Variants in PPP1R3A observed in about 807,000 individuals in gnomAD.
PPP1R3A encodes protein phosphatase 1 regulatory subunit 3A.
A neutral mutation model predicts 41.7 loss-of-function variants in PPP1R3A; 29 were observed. That is an observed-to-expected ratio of 0.70 (90% confidence interval 0.52 to 0.95). The LOEUF (loss-of-function observed/expected upper bound fraction) is 0.95, where lower values mean the gene tolerates loss of function less well. Ranked by LOEUF, PPP1R3A falls within the 40% of genes least tolerant of loss-of-function variation. The pLI, the probability that PPP1R3A is intolerant of heterozygous loss-of-function variation, is 0.00. For missense variants in PPP1R3A, 1,352 were observed against 1,292.4 expected, an observed-to-expected ratio of 1.05 and a Z score of -0.71; for synonymous variants, 485 against 453.4, an observed-to-expected ratio of 1.07 and a Z score of -0.89.
chr7:113,877,616 A>C lies in PPP1R3A; in HGVS notation c.*107T>G. 3 of 1,325,378 alleles carry C rather than the reference A, an allele frequency of 2.3e-6. No homozygotes were observed. The highest frequency in any genetic ancestry group is 3.1e-6 in the Non-Finnish European group (3 of 975,282). 82.1% of individuals were successfully genotyped at this position (1,325,378 alleles called of 1,614,324 possible). A position where few individuals can be genotyped will look rare whatever the true frequency, so the allele number is the denominator to read the frequency against. ...CGCGTCCCTTTTTAAATGATCCTTC[A>C]AGAGAAAAACTGCACTGGATCTTTG... On this transcript the variant is annotated 3_prime_UTR_variant, in exon 4 of 4. Coordinates refer to ENST00000284601, the MANE Select transcript of PPP1R3A (RefSeq NM_002711.4).
At chr7:113,905,683 G>A (rs139930870) in intron 1 of PPP1R3A, among the ~76,000 whole-genome samples, 292 of 151,790 alleles carry the variant, frequency 1.9e-3, no homozygotes, top group African/African-American at 6.9e-3. Context: ...TTTTTGTTTT[G>A]CTCTTTGTTT....
chr7:113,883,163 C>T (rs927497346), intron 1 of PPP1R3A, among the ~76,000 whole-genome samples: 1 of 152,024 alleles, frequency 6.6e-6, no homozygotes, highest in Non-Finnish European at 1.5e-5. Context: ...AAAAAGCTCA[C>T]TTTGTGTATA....
At chr7:113,893,300 G>C (rs1347958013) in intron 1 of PPP1R3A, among the ~76,000 whole-genome samples, 1 of 151,870 alleles carries the variant, frequency 6.6e-6, no homozygotes, top group Non-Finnish European at 1.5e-5. Context: ...AATGCTGGTA[G>C]AATCAATAGA....
At position 113,879,334 on chromosome 7, in the gene PPP1R3A, C is replaced by T. The variant is rs1197854933; in HGVS notation, c.1758G>A (p.Arg586=). The part of the protein sequence containing the change: ...AITADVSHSP[R]TNLSWEEAVL... ...CAGCTTCTTCCCAACTTAAATTTGT[C>T]CTTGGTGAATGAGACACATCTGCTG... The change falls in exon 4 of 4, where the codon AGG becomes AGA. Residue 586 remains arginine (R), a synonymous_variant. Transcript: ENST00000284601. 3 of 1,613,618 alleles carry T rather than the reference C, an allele frequency of 1.9e-6. No homozygotes were observed. Among genetic ancestry groups the T allele is most frequent in the Admixed American group, 1.7e-5 (1 of 59,902 alleles).
At chr7:113,915,039 GATACTT>G (rs1156387283) in intron 1 of PPP1R3A, among the ~76,000 whole-genome samples, 1 of 152,064 alleles carries the variant, frequency 6.6e-6, no homozygotes, top group African/African-American at 2.4e-5. Context: ...CATATGTGGT[GATACTT>G]AAGTATCTCA....
intron 1 of PPP1R3A, among the ~76,000 whole-genome samples, chr7:113,894,019 T>TTTTTCTAG (rs1796937615): frequency 6.6e-6 from 1 of 151,986 alleles, no homozygotes; most frequent in African/African-American, 2.4e-5. Flanking sequence ...TGGTGGTGTT[T>TTTTTCTAG]TTTTCTAGCT....
intron 1 of PPP1R3A, among the ~76,000 whole-genome samples, chr7:113,903,757 T>G (rs1797102201): frequency 1.3e-5 from 2 of 151,776 alleles, no homozygotes; most frequent in South Asian, 4.1e-4. Context: ...GCACAAAATC[T>G]TCAGCCTAGC....
In PPP1R3A at chr7:113,878,135, C is replaced by T; in HGVS notation, c.2957G>A (p.Gly986Asp). ...GCCTATGCATCTTTCTTTTCTACTA[C>T]CTGATGTCACTATTCCTGAACTTCT... Reference protein sequence around the residue: ...VSRSSGIVTSGSRKERCIGQI... With the variant: ...VSRSSGIVTSDSRKERCIGQI... The change falls in exon 4 of 4, where the codon GGT becomes GAT. Residue 986 changes from glycine (G) to aspartate (D), a missense_variant. Transcript: ENST00000284601. The T allele has an allele frequency of 6.2e-7, 1 of 1,613,326 alleles. No homozygotes were observed. The highest frequency in any genetic ancestry group is 8.5e-7 in the Non-Finnish European group (1 of 1,179,634).
In PPP1R3A at chr7:113,915,864, T is replaced by G. The variant is rs75595828; in HGVS notation, c.782+2351A>C. ...GTGCTATTTTTCTCTAACCAAACTC[T>G]TCACAATAAAATCCAACTGCAATAT... On this transcript the variant is annotated intron_variant, in intron 1 of 3. Coordinates refer to ENST00000284601, the MANE Select transcript of PPP1R3A (RefSeq NM_002711.4). Among the ~76,000 whole-genome samples the G allele has an allele frequency of 1.1e-4, 16 of 152,108 alleles. No homozygotes were observed. The Middle Eastern group carries it at 0.01, about 97-fold the overall frequency.
chr7:113,905,623 T>C (rs1209467761), intron 1 of PPP1R3A, among the ~76,000 whole-genome samples: 4 of 151,792 alleles, frequency 2.6e-5, no homozygotes, highest in Admixed American at 1.3e-4. Flanking sequence ...TTTTTGTAGG[T>C]CTTGAGTTGA....
chr7:113,891,084 C>CAAAAAAA lies in PPP1R3A; in HGVS notation c.783-8771_783-8765dup, dbSNP rs11342726. 6.9e-4 allele frequency among the ~76,000 whole-genome samples: 55 copies of CAAAAAAA among 79,788 alleles called. 4 individuals carry two copies. The highest frequency in any genetic ancestry group is 2.2e-3 in the African/African-American group (43 of 19,306). 52.3% of individuals were successfully genotyped at this position (79,788 alleles called of 152,430 possible). A position where few individuals can be genotyped will look rare whatever the true frequency, so the allele number is the denominator to read the frequency against. On this transcript the variant is annotated intron_variant, in intron 1 of 3. Coordinates refer to ENST00000284601, the MANE Select transcript of PPP1R3A (RefSeq NM_002711.4). ...GGGTCAATATGTGGTGGAAAAAAAG[C>CAAAAAAA]AAAAAAAAAAAAAAAAAAAAAAAAA...
chr7:113,882,360 A>G (rs1287417548), intron 1 of PPP1R3A, 40 bp from the exon 2 acceptor site: 2 of 1,221,412 alleles, frequency 1.6e-6, no homozygotes, highest in Non-Finnish European at 2.4e-6. Context: ...TTTTTCTGGG[A>G]CTGCATCTTC....
intron 1 of PPP1R3A, among the ~76,000 whole-genome samples, chr7:113,891,095 A>T (rs538694882): frequency 6.7e-6 from 1 of 148,736 alleles, no homozygotes; most frequent in African/African-American, 2.5e-5. Flanking sequence ...AAAAAAAAAA[A>T]AAAAAAAAAA....
chr7:113,904,954 T>C (rs1270413289), intron 1 of PPP1R3A, among the ~76,000 whole-genome samples: 1 of 151,648 alleles, frequency 6.6e-6, no homozygotes, highest in Non-Finnish European at 1.5e-5. Flanking sequence ...TTAGCTACTT[T>C]CACTGAAACA....
At chr7:113,894,767 C>T (rs542034473) in intron 1 of PPP1R3A, among the ~76,000 whole-genome samples, 19 of 152,040 alleles carry the variant, frequency 1.2e-4, no homozygotes, top group Non-Finnish European at 2.4e-4. Context: ...GTTTCCTCCA[C>T]GGAATCTACA....
intron 1 of PPP1R3A, among the ~76,000 whole-genome samples, chr7:113,892,535 T>C (rs964787161): frequency 6.6e-6 from 1 of 152,114 alleles, no homozygotes; most frequent in Non-Finnish European, 1.5e-5. Flanking sequence ...CAGCTTAATA[T>C]ATTTTCCTTT....
At chr7:113,907,005 A>G (rs147947121) in intron 1 of PPP1R3A, among the ~76,000 whole-genome samples, 260 of 151,934 alleles carry the variant, frequency 1.7e-3, no homozygotes, top group African/African-American at 5.8e-3. Flanking sequence ...GAAATGGAAT[A>G]GTAAGAGACA....
At chr7:113,915,301 A>G (rs1305653271) in intron 1 of PPP1R3A, among the ~76,000 whole-genome samples, 1 of 152,000 alleles carries the variant, frequency 6.6e-6, no homozygotes, top group East Asian at 1.9e-4. Flanking sequence ...CAGAAATCCT[A>G]CCTAAATGTA....
In PPP1R3A at chr7:113,918,936, A is replaced by C. The variant is rs768769928; in HGVS notation, c.61T>G (p.Leu21Val). The change falls in exon 1 of 4, where the codon TTA (leucine) becomes GTA (valine). Residue 21 changes from leucine to valine, a missense_variant. Leu to Val is a conservative substitution (Grantham distance 32). Coordinates refer to ENST00000284601, the MANE Select transcript of PPP1R3A (RefSeq NM_002711.4). Reference protein sequence around the residue: ...SKDNFLEVPNLSDSLCEDEEV... With the variant: ...SKDNFLEVPNVSDSLCEDEEV... Reference sequence around the variant, plus strand: ...TCATCTTCACAAAGAGAGTCAGATAAATTAGGAACTTCTAAAAAATTATCT... The same window carrying C: ...TCATCTTCACAAAGAGAGTCAGATACATTAGGAACTTCTAAAAAATTATCT... 1.2e-6 allele frequency: 2 copies of C among 1,612,878 alleles called. No homozygotes were observed. Among genetic ancestry groups the C allele is most frequent in the East Asian group, 2.2e-5 (1 of 44,858 alleles).
Sources: allele counts gnomAD v4.1 joint callset (sites outside exome capture counted in the v4.1 genomes callset), GRCh38; gene constraint gnomAD v4.1.1; transcripts MANE v1.5; gene names NCBI Gene and HGNC (gene_info 2026-07-23, HGNC 2026-07-21).